PTPRM: variants seen among roughly 807,000 people sequenced by gnomAD.
The protein encoded by PTPRM is protein tyrosine phosphatase receptor type M.
Under a neutral mutation model 186.7 loss-of-function variants are expected in PTPRM, and 47 were observed. The observed-to-expected ratio is 0.25, with a 90% CI of 0.20 to 0.32. The LOEUF is 0.32. Among genes scored for constraint, PTPRM ranks in the 10% least tolerant of loss-of-function variants. The pLI is 1.00. For synonymous variants in PTPRM, 668 were observed against 674.9 expected, an observed-to-expected ratio of 0.99 and a Z score of 0.16; for missense variants, 1,494 against 1,865.0, an observed-to-expected ratio of 0.80 and a Z score of 3.66.
At chr18:8,321,384 C>G (rs2095344633) in intron 22 of PTPRM, among the ~76,000 whole-genome samples, 1 of 152,132 alleles carries the variant, frequency 6.6e-6, no homozygotes, top group Non-Finnish European at 1.5e-5. Flanking sequence ...AGACATGGCT[C>G]TTTACCAGGC....
At chr18:8,288,506 A>G (rs547742453) in intron 19 of PTPRM, among the ~76,000 whole-genome samples, 17 of 152,222 alleles carry the variant, frequency 1.1e-4, no homozygotes, top group African/African-American at 3.6e-4. Context: ...CCCTACTGAC[A>G]CTCACCCCAA....
intron 15 of PTPRM, 112 bp downstream of exon 15, chr18:8,244,321 C>T (rs1447873371): frequency 9.0e-6 from 10 of 1,116,578 alleles, no homozygotes; most frequent in South Asian, 2.0e-5. Flanking sequence ...ATTTTTATGC[C>T]GTGTTGGTTT....
chr18:7,584,000 T>C (rs1332884240), intron 1 of PTPRM, among the ~76,000 whole-genome samples: 1 of 152,016 alleles, frequency 6.6e-6, no homozygotes, highest in Non-Finnish European at 1.5e-5. Flanking sequence ...AGATCTGTAT[T>C]TGAAGGATTT....
At chr18:8,328,446 AG>A (rs1324742398) in intron 22 of PTPRM, among the ~76,000 whole-genome samples, 2 of 152,260 alleles carry the variant, frequency 1.3e-5, no homozygotes, top group East Asian at 3.8e-4. Context: ...TCCAAGAACC[AG>A]TGCAGCTTGC....
chr18:8,103,970 G>T (rs954973424), intron 11 of PTPRM, among the ~76,000 whole-genome samples: 2 of 151,628 alleles, frequency 1.3e-5, no homozygotes, highest in Admixed American at 1.3e-4. Context: ...GAGTAGGGAG[G>T]CCCAGTGCCA....
intron 1 of PTPRM, among the ~76,000 whole-genome samples, chr18:7,579,477 A>AT (rs2036787056): frequency 1.3e-5 from 2 of 152,364 alleles, no homozygotes; most frequent in South Asian, 4.1e-4. Context: ...ATAGCAAACT[A>AT]TAATTGGCCA....
chr18:7,635,449 A>G (rs2038290211), intron 1 of PTPRM, among the ~76,000 whole-genome samples: 2 of 152,150 alleles, frequency 1.3e-5, no homozygotes, highest in Admixed American at 6.5e-5. Context: ...CCCAATAAAT[A>G]TTAGCTTCTA....
intron 4 of PTPRM, among the ~76,000 whole-genome samples, chr18:7,920,029 A>C (rs1250212113): frequency 6.6e-6 from 1 of 152,070 alleles, no homozygotes; most frequent in Non-Finnish European, 1.5e-5. Flanking sequence ...TTTTCCAGTT[A>C]GATGGAGTAT....
chr18:8,235,942 G>A (rs866755837), intron 14 of PTPRM, among the ~76,000 whole-genome samples: 13 of 152,178 alleles, frequency 8.5e-5, no homozygotes, highest in Middle Eastern at 3.4e-3. Context: ...AGCAGACACC[G>A]TATGATTTCT....
At chr18:7,736,955 T>C (rs112292591) in intron 1 of PTPRM, among the ~76,000 whole-genome samples, 8,166 of 152,030 alleles carry the variant, frequency 0.054, 567 homozygotes, top group African/African-American at 0.15. Flanking sequence ...CAGGCTTGTG[T>C]CACCGTGCCC....
intron 22 of PTPRM, among the ~76,000 whole-genome samples, chr18:8,327,586 A>C (rs1206744542): frequency 1.3e-5 from 2 of 152,226 alleles, no homozygotes; most frequent in Admixed American, 6.5e-5. Flanking sequence ...ACGATGTGCC[A>C]CGCACCACTT....
At chr18:8,184,066 C>T (rs1434498190) in intron 14 of PTPRM, among the ~76,000 whole-genome samples, 1 of 152,180 alleles carries the variant, frequency 6.6e-6, no homozygotes, top group Non-Finnish European at 1.5e-5. Context: ...GCATCCTCTT[C>T]CTCATCCCAA....
chr18:8,376,836 CT>C, intron 26 of PTPRM: 1 of 480,644 alleles, frequency 2.1e-6, no homozygotes, highest in Non-Finnish European at 3.6e-6. Context: ...AATTTGCACA[CT>C]TTTCTGTATT....
At chr18:7,661,331 C>T (rs1362977641) in intron 1 of PTPRM, among the ~76,000 whole-genome samples, 2 of 152,150 alleles carry the variant, frequency 1.3e-5, no homozygotes, top group African/African-American at 2.4e-5. Context: ...CTGAGATCTC[C>T]CATTGGTTTT....
At chr18:7,573,623 C>G (rs1375480096) in intron 1 of PTPRM, among the ~76,000 whole-genome samples, 2 of 152,082 alleles carry the variant, frequency 1.3e-5, no homozygotes. Flanking sequence ...AAGTCTCGCT[C>G]TTGTCCCCCA....
At chr18:7,983,792 A>G (rs998384619) in intron 7 of PTPRM, among the ~76,000 whole-genome samples, 6 of 152,202 alleles carry the variant, frequency 3.9e-5, no homozygotes, top group African/African-American at 1.4e-4. Context: ...CTCAGCACTT[A>G]TTTAATGTGT....
At chr18:7,773,330 G>A (rs1251149425) in intron 1 of PTPRM, among the ~76,000 whole-genome samples, 1 of 152,074 alleles carries the variant, frequency 6.6e-6, no homozygotes, top group Non-Finnish European at 1.5e-5. Context: ...TTTGCAAGCT[G>A]TACCATGGTT....
chr18:7,880,840 A>G (rs1353611957), intron 2 of PTPRM, among the ~76,000 whole-genome samples: 1 of 152,194 alleles, frequency 6.6e-6, no homozygotes, highest in East Asian at 1.9e-4. Flanking sequence ...AGTGTAAAGG[A>G]CAAATTAAAA....
At chr18:7,607,899 G>T (rs983124865) in intron 1 of PTPRM, among the ~76,000 whole-genome samples, 1 of 152,206 alleles carries the variant, frequency 6.6e-6, no homozygotes, top group Non-Finnish European at 1.5e-5. Flanking sequence ...GGTGTAGGGG[G>T]TGAAGAGAGT....
Sources: allele counts gnomAD v4.1 joint callset (sites outside exome capture counted in the v4.1 genomes callset), GRCh38; gene constraint gnomAD v4.1.1; transcripts MANE v1.5; gene names NCBI Gene and HGNC (gene_info 2026-07-23, HGNC 2026-07-21).